The following BMS1 variants were observed in gnomAD, a reference collection of about 807,000 sequenced individuals.
The protein encoded by BMS1 is BMS1 ribosome biogenesis factor, also known as ribosome biogenesis protein BMS1 homolog.
BMS1 carries 53 observed loss-of-function variants against 138.7 expected under a neutral mutation model. The observed-to-expected ratio is 0.38, with a 90% CI of 0.31 to 0.48. The LOEUF is 0.48. Ranked by LOEUF, BMS1 falls within the 20% of genes least tolerant of loss-of-function variation. BMS1 has a pLI of 0.97. For synonymous variants in BMS1, 504 were observed against 539.9 expected (o/e 0.93, Z 0.92); for missense variants, 1,360 against 1,565.5 (o/e 0.87, Z 2.22).
chr10:42,813,302 A>G (rs1396610788), intron 13 of BMS1, among the ~76,000 whole-genome samples: 1 of 152,174 alleles, frequency 6.6e-6, no homozygotes, highest in African/African-American at 2.4e-5. Flanking sequence ...TTATTGTTAC[A>G]TAATTGCTTA....
chr10:42,811,714 C>T (rs1476051564), intron 13 of BMS1, among the ~76,000 whole-genome samples: 2 of 149,948 alleles, frequency 1.3e-5, no homozygotes, highest in East Asian at 2.0e-4. Context: ...TTAGTAGAGA[C>T]GGGGTTTCAC....
rs1164195221 is a variant in BMS1, at chr10:42,796,588, T to C, written c.1344T>C (p.Asp448=). 12 of 1,613,928 alleles carry C rather than the reference T, an allele frequency of 7.4e-6. No individual in the cohort carries two copies. The highest frequency in any genetic ancestry group is 1.3e-5 in the African/African-American group (1 of 74,848). The part of the protein sequence containing the change: ...ESGDSDDEED[D]EMSEDDGLEN... ...GAGATAGTGATGATGAAGAAGATGATGAAATGTCTGAAGATGACGGGTTGG... is the reference window on the plus strand; with the variant it reads ...GAGATAGTGATGATGAAGAAGATGACGAAATGTCTGAAGATGACGGGTTGG... The change falls in exon 10 of 23, where the codon GAT becomes GAC. Residue 448 remains aspartate (D), a synonymous_variant. Coordinates refer to ENST00000374518, the MANE Select transcript of BMS1 (RefSeq NM_014753.4).
chr10:42,813,958 T>C lies in BMS1; in HGVS notation c.2330-2641T>C, dbSNP rs553507839. On this transcript the variant is annotated intron_variant, in intron 13 of 22. Coordinates refer to ENST00000374518, the MANE Select transcript of BMS1 (RefSeq NM_014753.4). ...TTGTTTGTTTCTTTGGTTGGTTTTT[T>C]TTAAGCACTTGAAAATGTTGTGCCA... Among the ~76,000 whole-genome samples the C allele has an allele frequency of 4.9e-4, 74 of 152,346 alleles. 1 individual carries two copies. The highest frequency in any genetic ancestry group is 9.0e-4 in the Non-Finnish European group (61 of 68,034).
intron 17 of BMS1, 95 bp from the exon 18 acceptor site, chr10:42,820,839 A>G (rs1842485174): frequency 8.1e-7 from 1 of 1,230,124 alleles, no homozygotes; most frequent in Non-Finnish European, 1.2e-6. Flanking sequence ...ATATATGTAA[A>G]TCTATATCCA....
At position 42,816,679 on chromosome 10, in the gene BMS1, CTT is replaced by C. The variant is rs768311444; in HGVS notation, c.2403+9_2403+10del. On this transcript the variant is annotated splice_region_variant and intron_variant, in intron 14 of 22. Transcript: ENST00000374518. ...ATCAGGCCCCAATACTCAGGTATGA[CTT>C]TGTCGTAGCTGGCTGTTCTTGGTCA... 1.2e-6 allele frequency: 2 copies of C among 1,607,310 alleles called. No homozygotes were observed. The highest frequency in any genetic ancestry group is 2.2e-5 in the South Asian group (2 of 90,300).
chr10:42,790,613 C>G (rs1435869826), intron 5 of BMS1, 102 bp downstream of exon 5: 3 of 1,273,628 alleles, frequency 2.4e-6, no homozygotes, highest in African/African-American at 1.5e-5. Flanking sequence ...CAGCACTTTG[C>G]AAGGCAGAGG....
chr10:42,783,755 A>G (rs17158170), intron 1 of BMS1, among the ~76,000 whole-genome samples: 1,962 of 152,220 alleles, frequency 0.013, 38 homozygotes, highest in African/African-American at 0.045. Flanking sequence ...AGCTATTTCT[A>G]TTTTTCAAAT....
chr10:42,785,772 G>T, intron 3 of BMS1, 100 bp downstream of exon 3: 2 of 1,313,808 alleles, frequency 1.5e-6, no homozygotes, highest in Admixed American at 4.0e-5. Context: ...GTTAAATATT[G>T]TCATATCATG....
At chr10:42,788,803 C>T (rs555070374) in intron 4 of BMS1, among the ~76,000 whole-genome samples, 1 of 152,356 alleles carries the variant, frequency 6.6e-6, no homozygotes, top group South Asian at 2.1e-4. Context: ...CCGCTGGTCT[C>T]TCAGATCCCT....
rs560463895 is a variant in BMS1 at position 42,804,269 on chromosome 10, G to T, written c.2329+2051G>T. The stretch of plus-strand genomic sequence containing the variant: ...AAGTAGTTCAGAATGGACTAAATGG[G>T]TCATATGATAGGTACACATTTAATT... On this transcript the variant is annotated intron_variant, in intron 13 of 22. Transcript: ENST00000374518. Among the ~76,000 whole-genome samples the T allele has an allele frequency of 2.0e-4, 31 of 152,290 alleles. No individual in the cohort carries two copies. In the South Asian group the frequency reaches 6.4e-3, roughly 32 times the overall value.
At position 42,831,209 on chromosome 10, in the gene BMS1, C is replaced by A; in HGVS notation, c.*113C>A. 1 of 1,121,466 alleles carries A rather than the reference C, an allele frequency of 8.9e-7. No individual in the cohort carries two copies. 69.5% of individuals were successfully genotyped at this position (1,121,466 alleles called of 1,614,324 possible). ...GTGGGAAAGAGCTCAAGAGATGTCT[C>A]TACTCAAACTGTGCCTGCAGGAGGA... On this transcript the variant is annotated 3_prime_UTR_variant, in exon 23 of 23. Coordinates refer to ENST00000374518, the MANE Select transcript of BMS1 (RefSeq NM_014753.4).
intron 21 of BMS1, among the ~76,000 whole-genome samples, chr10:42,826,539 G>A (rs1242524243): frequency 6.6e-6 from 1 of 152,158 alleles, no homozygotes; most frequent in East Asian, 1.9e-4. Flanking sequence ...TGGGCCCTCG[G>A]GGGCAGGGAC....
At position 42,784,579 on chromosome 10, in the gene BMS1, G is replaced by A. The variant is rs751566894; in HGVS notation, c.176+9G>A. On this transcript the variant is annotated intron_variant, in intron 2 of 22. Coordinates refer to ENST00000374518, the MANE Select transcript of BMS1 (RefSeq NM_014753.4). ...GCTCGATCCTTTCACAGGTATGTTA[G>A]GCTACGGTCTGGTCATTCTTCCATT... 2 of 1,596,988 alleles carry A rather than the reference G, an allele frequency of 1.3e-6. No homozygotes were observed. Among genetic ancestry groups the A allele is most frequent in the Non-Finnish European group, 1.7e-6 (2 of 1,173,982 alleles).
chr10:42,803,473 A>G (rs1000019535), intron 13 of BMS1, among the ~76,000 whole-genome samples: 2 of 150,754 alleles, frequency 1.3e-5, no homozygotes, highest in Non-Finnish European at 3.0e-5. Flanking sequence ...TATATATATA[A>G]TTTTTTTTTC....
At chr10:42,804,821 C>T (rs1841969482) in intron 13 of BMS1, among the ~76,000 whole-genome samples, 1 of 151,878 alleles carries the variant, frequency 6.6e-6, no homozygotes, top group Admixed American at 6.6e-5. Flanking sequence ...GGGTTCAAGC[C>T]ATTCTCCTGC....
At chr10:42,804,787 G>A (rs1031811264) in intron 13 of BMS1, among the ~76,000 whole-genome samples, 2 of 151,260 alleles carry the variant, frequency 1.3e-5, no homozygotes, top group African/African-American at 2.4e-5. Context: ...ATGTGATCTC[G>A]GCTCACTGCA....
intron 21 of BMS1, among the ~76,000 whole-genome samples, chr10:42,826,919 G>A (rs1487205972): frequency 2.0e-5 from 3 of 152,172 alleles, no homozygotes; most frequent in Non-Finnish European, 2.9e-5. Flanking sequence ...GGAGGGGCAC[G>A]GCAGCGTGGC....
chr10:42,809,952 A>ATTTTTTTTTT (rs34656411), intron 13 of BMS1, among the ~76,000 whole-genome samples: 1 of 114,024 alleles, frequency 8.8e-6, no homozygotes, highest in Non-Finnish European at 1.7e-5. Flanking sequence ...TGTCTGGCTA[A>ATTTTTTTTTT]TTTTTTTTTT....
intron 13 of BMS1, among the ~76,000 whole-genome samples, chr10:42,808,000 T>C (rs750606246): frequency 2.0e-4 from 30 of 152,312 alleles, no homozygotes; most frequent in Middle Eastern, 3.4e-3. Context: ...GTATGTGATA[T>C]TTCATTGTGG....
Sources: gnomAD v4.1 joint callset for allele counts (sites outside exome capture counted in the v4.1 genomes callset) on GRCh38, gnomAD v4.1.1 for gene constraint, MANE v1.5 for transcripts, NCBI Gene and HGNC (gene_info 2026-07-23, HGNC 2026-07-21) for gene names.